GALNTL6: variants seen among roughly 807,000 people sequenced by gnomAD.
GALNTL6 encodes the protein polypeptide N-acetylgalactosaminyltransferase like 6.
In GALNTL6, 46 loss-of-function variants were observed where a neutral mutation model predicts 73.7. That is an observed-to-expected ratio of 0.62 (90% confidence interval 0.49 to 0.80). The LOEUF is 0.80. Among genes scored for constraint, GALNTL6 ranks in the 30% least tolerant of loss-of-function variants. The probability of loss-of-function intolerance (pLI) is 0.00; values close to 1 mark genes in which losing one functional copy is unlikely to be tolerated. For synonymous variants in GALNTL6, 259 were observed against 263.7 expected, an observed-to-expected ratio of 0.98 and a Z score of 0.17; for missense variants, 604 against 755.0, an observed-to-expected ratio of 0.80 and a Z score of 2.34.
At chr4:171,988,660 G>A (rs992143887) in intron 2 of GALNTL6, among the ~76,000 whole-genome samples, 2 of 152,160 alleles carry the variant, frequency 1.3e-5, no homozygotes, top group Non-Finnish European at 2.9e-5. Context: ...CCTGGTTTTA[G>A]GACAGGTAAA....
At chr4:172,110,005 A>G (rs1358444729) in intron 2 of GALNTL6, among the ~76,000 whole-genome samples, 5 of 152,250 alleles carry the variant, frequency 3.3e-5, no homozygotes, top group Non-Finnish European at 5.9e-5. Context: ...GAAACTTAAC[A>G]GCTAAAATTT....
At chr4:172,451,430 A>C (rs1033256465) in intron 5 of GALNTL6, among the ~76,000 whole-genome samples, 1 of 152,204 alleles carries the variant, frequency 6.6e-6, no homozygotes, top group Non-Finnish European at 1.5e-5. Flanking sequence ...GACCCATTTA[A>C]CCTTTATAGT....
At chr4:171,975,589 G>GAAAAGC (rs1739697219) in intron 2 of GALNTL6, among the ~76,000 whole-genome samples, 1 of 150,436 alleles carries the variant, frequency 6.6e-6, no homozygotes, top group South Asian at 2.1e-4. Flanking sequence ...ACATACTAGA[G>GAAAAGC]AAAAGCAAAA....
intron 9 of GALNTL6, among the ~76,000 whole-genome samples, chr4:172,941,434 G>A (rs922759219): frequency 3.3e-5 from 5 of 152,104 alleles, no homozygotes; most frequent in African/African-American, 9.7e-5. Context: ...CTTCCTATGG[G>A]ATCTTTTCCA....
At chr4:172,368,305 T>C (rs1046684423) in intron 5 of GALNTL6, among the ~76,000 whole-genome samples, 5 of 151,878 alleles carry the variant, frequency 3.3e-5, no homozygotes, top group Non-Finnish European at 4.4e-5. Flanking sequence ...TGCATGAACT[T>C]GGGAGGCAGA....
intron 11 of GALNTL6, among the ~76,000 whole-genome samples, chr4:173,014,862 A>G (rs1752712641): frequency 6.6e-6 from 1 of 152,180 alleles, no homozygotes. Context: ...CAAAGAAATA[A>G]GAGTTAACAT....
At chr4:172,073,794 G>T (rs144965780) in intron 2 of GALNTL6, among the ~76,000 whole-genome samples, 6 of 152,210 alleles carry the variant, frequency 3.9e-5, no homozygotes, top group Non-Finnish European at 7.3e-5. Flanking sequence ...TGTGTAAAGA[G>T]TACTGCAATT....
intron 3 of GALNTL6, among the ~76,000 whole-genome samples, chr4:172,244,000 A>G (rs1366112390): frequency 1.3e-5 from 2 of 152,102 alleles, no homozygotes; most frequent in Non-Finnish European, 2.9e-5. Context: ...CACCCTTTTT[A>G]TTACTATCCA....
chr4:172,763,428 C>T (rs1417555265), intron 5 of GALNTL6, among the ~76,000 whole-genome samples: 2 of 152,194 alleles, frequency 1.3e-5, no homozygotes, highest in African/African-American at 2.4e-5. Context: ...GTTAGATGCC[C>T]TTAAGTCATA....
chr4:171,958,543 C>A (rs1030503760), intron 2 of GALNTL6, among the ~76,000 whole-genome samples: 1 of 152,026 alleles, frequency 6.6e-6, no homozygotes, highest in African/African-American at 2.4e-5. Flanking sequence ...CATATTAGGT[C>A]TTTACTGTTA....
At chr4:172,009,425 C>G (rs1230324720) in intron 2 of GALNTL6, among the ~76,000 whole-genome samples, 1 of 152,042 alleles carries the variant, frequency 6.6e-6, no homozygotes, top group Admixed American at 6.6e-5. Context: ...ATGGTCTACC[C>G]CCTGTGCCTG....
At chr4:172,368,207 C>A (rs763594511) in intron 5 of GALNTL6, among the ~76,000 whole-genome samples, 1 of 151,934 alleles carries the variant, frequency 6.6e-6, no homozygotes, top group East Asian at 1.9e-4. Flanking sequence ...AGTAAAACTC[C>A]GTCTCTACTA....
At chr4:172,640,803 T>A (rs911743811) in intron 5 of GALNTL6, among the ~76,000 whole-genome samples, 5 of 152,124 alleles carry the variant, frequency 3.3e-5, no homozygotes, top group African/African-American at 1.2e-4. Context: ...CTTCAATATA[T>A]CAATTTGGGG....
chr4:172,720,005 A>T (rs1003119385), intron 5 of GALNTL6, among the ~76,000 whole-genome samples: 1 of 151,980 alleles, frequency 6.6e-6, no homozygotes, highest in East Asian at 1.9e-4. Flanking sequence ...ACCGGAGGTC[A>T]CTCTCCTGTC....
intron 3 of GALNTL6, among the ~76,000 whole-genome samples, chr4:172,233,753 T>C (rs1737150590): frequency 6.6e-6 from 1 of 152,090 alleles, no homozygotes; most frequent in Non-Finnish European, 1.5e-5. Context: ...TACATTGTAC[T>C]CTTCCTTAAA....
At chr4:172,124,062 G>A (rs571123933) in intron 2 of GALNTL6, among the ~76,000 whole-genome samples, 23 of 152,122 alleles carry the variant, frequency 1.5e-4, no homozygotes, top group Non-Finnish European at 2.8e-4. Flanking sequence ...ATGAGCCATA[G>A]TTAAAAATCT....
intron 3 of GALNTL6, among the ~76,000 whole-genome samples, chr4:172,280,231 A>G (rs1738994740): frequency 6.6e-6 from 1 of 152,214 alleles, no homozygotes; most frequent in Non-Finnish European, 1.5e-5. Flanking sequence ...ATTTTACAGT[A>G]TATGTATTTT....
chr4:172,413,102 A>G (rs1234915069), intron 5 of GALNTL6, among the ~76,000 whole-genome samples: 1 of 152,214 alleles, frequency 6.6e-6, no homozygotes, highest in East Asian at 1.9e-4. Context: ...TGAATCACAT[A>G]ACTATTCATA....
chr4:172,057,722 A>T (rs1731065999), intron 2 of GALNTL6, among the ~76,000 whole-genome samples: 9 of 78,492 alleles, frequency 1.1e-4, no homozygotes, highest in Admixed American at 3.1e-4. Context: ...AAAAAAAAAA[A>T]AAAAAATATA....
Sources: gnomAD v4.1 joint callset for allele counts (sites outside exome capture counted in the v4.1 genomes callset) on GRCh38, gnomAD v4.1.1 for gene constraint, MANE v1.5 for transcripts, NCBI Gene and HGNC (gene_info 2026-07-23, HGNC 2026-07-21) for gene names.